NALF1: variants seen among roughly 807,000 people sequenced by gnomAD.
NALF1 encodes the protein family with sequence similarity 155 member A.
A neutral mutation model predicts 48.4 loss-of-function variants in NALF1; 3 were observed. That is an observed-to-expected ratio of 0.06 (90% CI 0.03 to 0.16). The LOEUF (loss-of-function observed/expected upper bound fraction) is 0.16, where lower values mean the gene tolerates loss of function less well. Among genes scored for constraint, NALF1 ranks in the 10% least tolerant of loss-of-function variants. The probability of loss-of-function intolerance (pLI) is 1.00; values close to 1 mark genes in which losing one functional copy is unlikely to be tolerated. For synonymous variants in NALF1, 262 were observed against 245.7 expected (o/e 1.07, Z -0.62); for missense variants, 526 against 571.5 (o/e 0.92, Z 0.81).
At chr13:107,599,429 A>T (rs1878859029) in intron 1 of NALF1, among the ~76,000 whole-genome samples, 2 of 151,298 alleles carry the variant, frequency 1.3e-5, no homozygotes, top group Admixed American at 1.3e-4. Context: ...CTCAAAAAAA[A>T]AAAAAAAAAA....
chr13:107,401,593 T>A (rs911839878), intron 1 of NALF1, among the ~76,000 whole-genome samples: 1 of 152,196 alleles, frequency 6.6e-6, no homozygotes, highest in Non-Finnish European at 1.5e-5. Context: ...TCTCTGGAGT[T>A]GTTCATTTCC....
chr13:107,599,290 C>G (rs552786553), intron 1 of NALF1, among the ~76,000 whole-genome samples: 68 of 152,114 alleles, frequency 4.5e-4, no homozygotes, highest in Non-Finnish European at 7.9e-4. Context: ...GGCGTGGTGG[C>G]GGGCATCTGT....
At chr13:107,571,249 G>C (rs1366105718) in intron 1 of NALF1, among the ~76,000 whole-genome samples, 3 of 152,040 alleles carry the variant, frequency 2.0e-5, no homozygotes, top group Admixed American at 2.0e-4. Context: ...ATACTAATCA[G>C]GTGACCCTTG....
At chr13:107,317,614 T>C (rs1255913955) in intron 1 of NALF1, among the ~76,000 whole-genome samples, 3 of 152,092 alleles carry the variant, frequency 2.0e-5, no homozygotes, top group African/African-American at 7.2e-5. Flanking sequence ...TCTAGTTTGA[T>C]TTAGATCTTT....
intron 1 of NALF1, among the ~76,000 whole-genome samples, chr13:107,712,733 G>C (rs146330988): frequency 1.0e-3 from 158 of 152,306 alleles, no homozygotes; most frequent in African/African-American, 3.5e-3. Context: ...GAAATGTCAC[G>C]CAGTGTGAAA....
chr13:107,767,031 GAC>G (rs1469170152), intron 1 of NALF1, among the ~76,000 whole-genome samples: 2 of 152,106 alleles, frequency 1.3e-5, no homozygotes, highest in Non-Finnish European at 2.9e-5. Flanking sequence ...AAACGGGTAA[GAC>G]AGAGTCAGAG....
chr13:107,396,708 A>C (rs1179262586), intron 1 of NALF1, among the ~76,000 whole-genome samples: 1 of 152,200 alleles, frequency 6.6e-6, no homozygotes, highest in African/African-American at 2.4e-5. Context: ...CTGTAGTGCT[A>C]TTCTCGTTGA....
At chr13:107,558,780 T>C (rs1877557009) in intron 1 of NALF1, among the ~76,000 whole-genome samples, 1 of 152,232 alleles carries the variant, frequency 6.6e-6, no homozygotes, top group Non-Finnish European at 1.5e-5. Flanking sequence ...GCCTCGCCCC[T>C]GCCTGTGGGC....
rs1392121598 is a variant in NALF1 at position 107,735,525 on chromosome 13, CAT to C, written c.915+130155_915+130156del. Among the ~76,000 whole-genome samples the C allele has an allele frequency of 2.6e-5, 4 of 152,156 alleles. No individual in the cohort carries two copies. In the East Asian group the frequency reaches 5.8e-4, roughly 22 times the overall value. ...CTGTAAATTCCCCCATCTGCGCACACATATGTTTAATTTCTCTCTTCTCTGAG... is the reference window on the plus strand; with the variant it reads ...CTGTAAATTCCCCCATCTGCGCACACATGTTTAATTTCTCTCTTCTCTGAG... On this transcript the variant is annotated intron_variant, in intron 1 of 2. Coordinates refer to ENST00000375915, the MANE Select transcript of NALF1 (RefSeq NM_001080396.3).
intron 1 of NALF1, among the ~76,000 whole-genome samples, chr13:107,694,457 G>C (rs1881651908): frequency 6.6e-6 from 1 of 152,088 alleles, no homozygotes; most frequent in African/African-American, 2.4e-5. Context: ...GACAATGACT[G>C]GTTTGCATAG....
At chr13:107,792,919 C>T (rs1019410631) in intron 1 of NALF1, among the ~76,000 whole-genome samples, 4 of 152,114 alleles carry the variant, frequency 2.6e-5, no homozygotes, top group Non-Finnish European at 5.9e-5. Context: ...AGGAATCCCC[C>T]GCCTTGGCCT....
chr13:107,587,972 T>C (rs1439001950), intron 1 of NALF1, among the ~76,000 whole-genome samples: 4 of 152,116 alleles, frequency 2.6e-5, no homozygotes, highest in Non-Finnish European at 5.9e-5. Flanking sequence ...CATGGAAGAA[T>C]GAACGACTGG....
At chr13:107,363,598 G>C (rs1213322140) in intron 1 of NALF1, among the ~76,000 whole-genome samples, 1 of 152,108 alleles carries the variant, frequency 6.6e-6, no homozygotes, top group Non-Finnish European at 1.5e-5. Context: ...TGAATGGACT[G>C]TTTAAATCAA....
chr13:107,175,240 A>T (rs1163479113), intron 2 of NALF1, among the ~76,000 whole-genome samples: 1 of 151,932 alleles, frequency 6.6e-6, no homozygotes, highest in African/African-American at 2.4e-5. Context: ...AGGAAGAAAT[A>T]TGCCCCCAGT....
chr13:107,307,970 AAT>A (rs1881969913), intron 1 of NALF1, among the ~76,000 whole-genome samples: 1 of 152,104 alleles, frequency 6.6e-6, no homozygotes, highest in African/African-American at 2.4e-5. Context: ...TTAGACTGTA[AAT>A]TGTGATGTAA....
Position 107,543,867 on chromosome 13 carries a change from G to A in NALF1, c.915+321815C>T, listed in dbSNP as rs568116344. Among the ~76,000 whole-genome samples, 10 of 151,988 alleles carry A rather than the reference G, an allele frequency of 6.6e-5. 1 individual carries two copies. The highest frequency in any genetic ancestry group is 1.9e-4 in the East Asian group (1 of 5,152). On this transcript the variant is annotated intron_variant, in intron 1 of 2. Transcript: ENST00000375915. ...CTCTAGAGTTCTCAAACTAAAGAGC[G>A]ATTCAGAGGTGCAGAGAAAACTAGA...
chr13:107,406,116 A>G (rs1883893810), intron 1 of NALF1, among the ~76,000 whole-genome samples: 2 of 152,090 alleles, frequency 1.3e-5, no homozygotes, highest in Non-Finnish European at 2.9e-5. Flanking sequence ...CATTTAGGAT[A>G]CAACAAACAC....
chr13:107,406,269 C>T (rs1883897734), intron 1 of NALF1, among the ~76,000 whole-genome samples: 1 of 151,930 alleles, frequency 6.6e-6, no homozygotes, highest in African/African-American at 2.4e-5. Flanking sequence ...ATAGATTAAA[C>T]TTTCCAATCA....
intron 1 of NALF1, among the ~76,000 whole-genome samples, chr13:107,572,225 T>C (rs944549108): frequency 3.3e-5 from 5 of 152,166 alleles, no homozygotes; most frequent in Admixed American, 1.3e-4. Context: ...TTTCTGCATA[T>C]CTTGTGAGGA....
Sources: allele counts gnomAD v4.1 joint callset (sites outside exome capture counted in the v4.1 genomes callset), GRCh38; gene constraint gnomAD v4.1.1; transcripts MANE v1.5; gene names NCBI Gene and HGNC (gene_info 2026-07-23, HGNC 2026-07-21).